The following GRM7 variants were observed in gnomAD, a reference collection of about 807,000 sequenced individuals.
GRM7 encodes glutamate metabotropic receptor 7.
GRM7 carries 35 observed loss-of-function variants against 84.5 expected under a neutral mutation model. That is an observed-to-expected ratio of 0.41 (90% CI 0.32 to 0.55). The LOEUF is 0.55. Among genes scored for constraint, GRM7 ranks in the 20% least tolerant of loss-of-function variants. The probability of loss-of-function intolerance (pLI) is 0.19; values close to 1 mark genes in which losing one functional copy is unlikely to be tolerated. For synonymous variants in GRM7, 487 were observed against 455.1 expected (o/e 1.07, Z -0.89); for missense variants, 1,003 against 1,194.6 (o/e 0.84, Z 2.36).
In GRM7 at chr3:7,740,850, G is replaced by C. The variant is rs865871248; in HGVS notation, c.*444G>C. 1 of 154,924 alleles carries C rather than the reference G, an allele frequency of 6.5e-6. No individual in the cohort carries two copies. The highest frequency in any genetic ancestry group is 1.4e-5 in the Non-Finnish European group (1 of 69,754). The allele number at this position is 154,924 out of a possible 1,614,324, so 9.6% of individuals were successfully genotyped here. On this transcript the variant is annotated 3_prime_UTR_variant, in exon 10 of 10. Coordinates refer to ENST00000357716, the MANE Select transcript of GRM7 (RefSeq NM_000844.4). Reference sequence around the variant, plus strand: ...GTACCTCGGTTCACTGTTTGTTTTCGAATGCCTTGTTTTCATAGAGCCCTA... The same window carrying C: ...GTACCTCGGTTCACTGTTTGTTTTCCAATGCCTTGTTTTCATAGAGCCCTA...
At chr3:7,075,582 G>A (rs569784209) in intron 1 of GRM7, among the ~76,000 whole-genome samples, 36 of 151,498 alleles carry the variant, frequency 2.4e-4, no homozygotes, top group African/African-American at 8.2e-4. Context: ...CCAGGCTGGA[G>A]TGGCATGATC....
At chr3:7,660,475 TATAAA>T (rs1413533846) in intron 8 of GRM7, among the ~76,000 whole-genome samples, 2 of 152,224 alleles carry the variant, frequency 1.3e-5, no homozygotes, top group Non-Finnish European at 2.9e-5. Context: ...TATGAAAAAT[TATAAA>T]ATATTTGTGA....
At chr3:6,899,082 T>A (rs933708419) in intron 1 of GRM7, among the ~76,000 whole-genome samples, 2 of 152,046 alleles carry the variant, frequency 1.3e-5, no homozygotes, top group African/African-American at 4.8e-5. Context: ...GAAATAGAGG[T>A]AAGAGTTGAG....
At chr3:7,605,372 A>AACGAGATAATAAAGACAATC (rs1466734019) in intron 8 of GRM7, among the ~76,000 whole-genome samples, 1 of 152,174 alleles carries the variant, frequency 6.6e-6, no homozygotes, top group East Asian at 1.9e-4. Flanking sequence ...TGGCATGCAA[A>AACGAGATAATAAAGACAATC]ACGAGATAAT....
chr3:7,503,367 G>A (rs185391897), intron 7 of GRM7, among the ~76,000 whole-genome samples: 3 of 151,800 alleles, frequency 2.0e-5, no homozygotes, highest in Admixed American at 2.0e-4. Flanking sequence ...TTTCCACCAA[G>A]AGAATAAAAT....
At chr3:6,955,976 C>T (rs756530777) in intron 1 of GRM7, among the ~76,000 whole-genome samples, 5 of 152,032 alleles carry the variant, frequency 3.3e-5, no homozygotes, top group Non-Finnish European at 7.4e-5. Flanking sequence ...GCTTTAATCA[C>T]AAAGGAGAGA....
At chr3:7,343,225 G>GTTTT (rs1253838137) in intron 4 of GRM7, among the ~76,000 whole-genome samples, 2 of 151,666 alleles carry the variant, frequency 1.3e-5, no homozygotes, top group Non-Finnish European at 2.9e-5. Flanking sequence ...TTTAAGAGGT[G>GTTTT]TTTTTTTTCT....
intron 6 of GRM7, among the ~76,000 whole-genome samples, chr3:7,457,520 T>C (rs891776110): frequency 1.3e-5 from 2 of 152,222 alleles, no homozygotes; most frequent in Admixed American, 1.3e-4. Context: ...CTGAAGCATG[T>C]CTGTACTTCA....
intron 1 of GRM7, among the ~76,000 whole-genome samples, chr3:6,911,776 T>G (rs2125018163): frequency 6.6e-6 from 1 of 152,332 alleles, no homozygotes; most frequent in South Asian, 2.1e-4. Flanking sequence ...TTTTTAGTTT[T>G]ATTTAAGCGA....
rs1698048761 is a variant in GRM7 at position 6,945,638 on chromosome 3, A to C, written c.519+83731A>C. On this transcript the variant is annotated intron_variant, in intron 1 of 9. Transcript: ENST00000357716. ...TTCTAGATCCCTGAGGAATCGCCAC[A>C]CCGACTTCCACAATGGTTGAACTAG... 2.0e-5 allele frequency among the ~76,000 whole-genome samples: 3 copies of C among 152,112 alleles called. No homozygotes were observed. The South Asian group carries it at 6.2e-4, about 32-fold the overall frequency.
intron 4 of GRM7, among the ~76,000 whole-genome samples, chr3:7,391,771 A>G (rs1695006548): frequency 7.6e-6 from 1 of 132,164 alleles, no homozygotes; most frequent in Non-Finnish European, 1.8e-5. Flanking sequence ...ATGGAAAAAA[A>G]ACAAGAGCTG....
At chr3:7,022,903 C>T (rs913271074) in intron 1 of GRM7, among the ~76,000 whole-genome samples, 1 of 152,032 alleles carries the variant, frequency 6.6e-6, no homozygotes, top group African/African-American at 2.4e-5. Context: ...AGGAGGCAGG[C>T]AGTAGTCAGA....
Position 6,863,528 on chromosome 3 carries a change from G to T in GRM7, c.519+1621G>T, listed in dbSNP as rs1176790243. On this transcript the variant is annotated intron_variant, in intron 1 of 9. Coordinates refer to ENST00000357716, the MANE Select transcript of GRM7 (RefSeq NM_000844.4). The surrounding 1 kb of genome is among the most constrained non-coding windows in gnomAD (Gnocchi z 4.8). ...TGAGCATCTCTGACACTTCCTGAGT[G>T]CCATCATGGAAATCCTGGCAGGTCT... 6.6e-6 allele frequency among the ~76,000 whole-genome samples: 1 copy of T among 152,154 alleles called. No individual in the cohort carries two copies. Among genetic ancestry groups the T allele is most frequent in the Non-Finnish European group, 1.5e-5 (1 of 68,032 alleles).
rs376494846 is a variant in GRM7, at chr3:7,182,700, A to T, written c.736+36032A>T. ...TTTCTTCTGAAGAAAAACCTTTCCT[A>T]ATCTCACCAATAGTAAGAAGCCATG... On this transcript the variant is annotated intron_variant, in intron 2 of 9. Coordinates refer to ENST00000357716, the MANE Select transcript of GRM7 (RefSeq NM_000844.4). Among the ~76,000 whole-genome samples, 37 of 152,292 alleles carry T rather than the reference A, an allele frequency of 2.4e-4. No homozygotes were observed. The South Asian group carries it at 7.5e-3, about 31-fold the overall frequency.
chr3:7,466,397 A>G (rs917761368), intron 7 of GRM7, among the ~76,000 whole-genome samples: 4 of 152,196 alleles, frequency 2.6e-5, no homozygotes, highest in African/African-American at 9.6e-5. Context: ...GTGGAAAAGA[A>G]TTGCTTTAGA....
At chr3:7,238,729 C>A (rs1256583095) in intron 2 of GRM7, among the ~76,000 whole-genome samples, 1 of 151,504 alleles carries the variant, frequency 6.6e-6, no homozygotes, top group Admixed American at 6.6e-5. Context: ...CCTTTCTATT[C>A]TTTTCTTTTT....
At chr3:7,291,666 G>C (rs1297708881) in intron 2 of GRM7, among the ~76,000 whole-genome samples, 1 of 152,118 alleles carries the variant, frequency 6.6e-6, no homozygotes, top group Non-Finnish European at 1.5e-5. Flanking sequence ...TTGAAAAGAG[G>C]CTGGGAGATT....
At chr3:7,308,749 T>C (rs960918603) in intron 4 of GRM7, among the ~76,000 whole-genome samples, 1 of 152,100 alleles carries the variant, frequency 6.6e-6, no homozygotes, top group African/African-American at 2.4e-5. Context: ...CGAAGAACTT[T>C]CAGGGCTTCA....
At chr3:7,303,640 T>G (rs1559219985) in intron 3 of GRM7, among the ~76,000 whole-genome samples, 1 of 152,124 alleles carries the variant, frequency 6.6e-6, no homozygotes, top group Admixed American at 6.5e-5. Context: ...TTGGAGTTAA[T>G]ATGACAGTCT....
Sources: gnomAD v4.1 joint callset for allele counts (sites outside exome capture counted in the v4.1 genomes callset) on GRCh38, gnomAD v4.1.1 for gene constraint, Gnocchi (gnomAD v3.1) non-coding constraint, MANE v1.5 for transcripts, NCBI Gene and HGNC (gene_info 2026-07-23, HGNC 2026-07-21) for gene names.